Variants in RAB10 observed in about 807,000 individuals in gnomAD.
RAB10 encodes the protein RAB10, member RAS oncogene family.
RAB10 carries 5 observed loss-of-function variants against 25.7 expected under a neutral mutation model. The observed-to-expected ratio is 0.19, with a 90% CI of 0.10 to 0.41. The LOEUF (loss-of-function observed/expected upper bound fraction) is 0.41. Ranked by LOEUF, RAB10 falls within the 10% of genes least tolerant of loss-of-function variation. The probability of loss-of-function intolerance (pLI) is 1.00; values close to 1 mark genes in which losing one functional copy is unlikely to be tolerated. For missense variants in RAB10, 103 were observed against 245.8 expected (o/e 0.42, Z 3.89); for synonymous variants, 89 against 86.4 (o/e 1.03, Z -0.16).
At chr2:26,092,700 A>G (rs1343422688) in intron 1 of RAB10, among the ~76,000 whole-genome samples, 1 of 152,088 alleles carries the variant, frequency 6.6e-6, no homozygotes, top group Non-Finnish European at 1.5e-5. Context: ...TCCTTATTTC[A>G]TCTTTCTTCA....
At chr2:26,094,552 G>A (rs973840203) in intron 1 of RAB10, among the ~76,000 whole-genome samples, 10 of 148,298 alleles carry the variant, frequency 6.7e-5, no homozygotes, top group African/African-American at 2.0e-4. Context: ...GCACCTGGCC[G>A]TATTTATTTA....
At chr2:26,111,838 G>T (rs1667578668) in intron 3 of RAB10, among the ~76,000 whole-genome samples, 1 of 151,950 alleles carries the variant, frequency 6.6e-6, no homozygotes, top group African/African-American at 2.4e-5. Context: ...CAAGTTTAAG[G>T]ACTCATTCCT....
At chr2:26,114,678 C>T (rs1180232000) in intron 3 of RAB10, among the ~76,000 whole-genome samples, 1 of 150,660 alleles carries the variant, frequency 6.6e-6, no homozygotes, top group Admixed American at 6.6e-5. Context: ...GTCGCTGGAG[C>T]CCAGGAGTTT....
chr2:26,062,976 A>C (rs1574533820), intron 1 of RAB10, among the ~76,000 whole-genome samples: 3 of 151,256 alleles, frequency 2.0e-5, no homozygotes, highest in African/African-American at 7.3e-5. Flanking sequence ...TTAGCCAGGC[A>C]TGGTGGCAGG....
intron 3 of RAB10, among the ~76,000 whole-genome samples, chr2:26,112,794 AT>A (rs2149284846): frequency 6.6e-6 from 1 of 152,148 alleles, no homozygotes; most frequent in African/African-American, 2.4e-5. Flanking sequence ...TAAAAAGAAA[AT>A]CTTGGCCAGG....
At chr2:26,102,868 G>A (rs1486634986) in intron 2 of RAB10, among the ~76,000 whole-genome samples, 3 of 152,166 alleles carry the variant, frequency 2.0e-5, no homozygotes, top group East Asian at 1.9e-4. Context: ...TGAGTACTGC[G>A]TAAGCACAGA....
At chr2:26,128,148 A>C (rs530284201) in intron 5 of RAB10, among the ~76,000 whole-genome samples, 197 bp downstream of exon 5, 1 of 152,274 alleles carries the variant, frequency 6.6e-6, no homozygotes, top group Admixed American at 6.5e-5. Flanking sequence ...ACTGGGGGGT[A>C]GTTTCACCCA....
At chr2:26,036,100 A>G (rs1665758803) in intron 1 of RAB10, among the ~76,000 whole-genome samples, 1 of 152,150 alleles carries the variant, frequency 6.6e-6, no homozygotes, top group Admixed American at 6.5e-5. Flanking sequence ...CTTCCCTAGC[A>G]CTGTTTGCTT....
At chr2:26,047,135 A>C (rs1666028567) in intron 1 of RAB10, among the ~76,000 whole-genome samples, 1 of 152,206 alleles carries the variant, frequency 6.6e-6, no homozygotes, top group Admixed American at 6.5e-5. Flanking sequence ...TGTCATTCAT[A>C]GGTTCATGTA....
chr2:26,061,439 G>T (rs114774911), intron 1 of RAB10, among the ~76,000 whole-genome samples: 1,647 of 152,044 alleles, frequency 0.011, 29 homozygotes, highest in African/African-American at 0.037. Context: ...GAGAGACAGG[G>T]TCTTGCCCTG....
chr2:26,133,865 G>C (rs772425267), intron 5 of RAB10, among the ~76,000 whole-genome samples: 3 of 151,902 alleles, frequency 2.0e-5, no homozygotes, highest in Non-Finnish European at 2.9e-5. Context: ...GTAGAGACAG[G>C]GTTTTGGCAT....
rs1231286011 is a variant in RAB10 at position 26,083,825 on chromosome 2, T to C, written c.128-14837T>C. Among the ~76,000 whole-genome samples the C allele has an allele frequency of 2.0e-5, 3 of 152,244 alleles. No homozygotes were observed. In the East Asian group the frequency reaches 5.8e-4, roughly 29 times the overall value. The stretch of plus-strand genomic sequence containing the variant: ...TGAGCAGCTGCACCTGCTTAATCAA[T>C]TGGAGTTCTGTGTTTAGCAGCAAAC... On this transcript the variant is annotated intron_variant, in intron 1 of 5. Transcript: ENST00000264710.
At chr2:26,078,689 A>G (rs1666793326) in intron 1 of RAB10, among the ~76,000 whole-genome samples, 1 of 152,188 alleles carries the variant, frequency 6.6e-6, no homozygotes, top group African/African-American at 2.4e-5. Context: ...TATAGACCTG[A>G]TGAACCTAGG....
At chr2:26,063,858 C>A (rs188032661) in intron 1 of RAB10, among the ~76,000 whole-genome samples, 3 of 152,094 alleles carry the variant, frequency 2.0e-5, no homozygotes, top group Admixed American at 6.6e-5. Context: ...AGTGCAGTGG[C>A]GTGACCTCAG....
intron 1 of RAB10, among the ~76,000 whole-genome samples, chr2:26,077,698 G>A (rs907877850): frequency 6.6e-6 from 1 of 152,166 alleles, no homozygotes; most frequent in African/African-American, 2.4e-5. Context: ...GTAGATGGGA[G>A]GCTGGGCACA....
Position 26,135,029 on chromosome 2 carries a change from C to T in RAB10, c.*8C>T, listed in dbSNP as rs746364791. The T allele has an allele frequency of 2.5e-6, 4 of 1,605,656 alleles. No homozygotes were observed. Among genetic ancestry groups the T allele is most frequent in the East Asian group, 2.2e-5 (1 of 44,790 alleles). On this transcript the variant is annotated 3_prime_UTR_variant, in exon 6 of 6. Coordinates refer to ENST00000264710, the MANE Select transcript of RAB10 (RefSeq NM_016131.5). ...AAGAGCAAATGCTGCTGAGCATTCTCCTGTTCCATCAGTTGCCATCCACTA... is the reference window on the plus strand; with the variant it reads ...AAGAGCAAATGCTGCTGAGCATTCTTCTGTTCCATCAGTTGCCATCCACTA...
intron 1 of RAB10, among the ~76,000 whole-genome samples, chr2:26,091,529 A>AG (rs1255818558): frequency 6.6e-6 from 1 of 152,150 alleles, no homozygotes; most frequent in Non-Finnish European, 1.5e-5. Flanking sequence ...AGGGCAGGGT[A>AG]GAGAGGGGTA....
At chr2:26,127,586 C>T (rs1450754825) in intron 4 of RAB10, among the ~76,000 whole-genome samples, 2 of 152,132 alleles carry the variant, frequency 1.3e-5, no homozygotes, top group Non-Finnish European at 2.9e-5. Context: ...AAATTAGACC[C>T]TGAGGAGTCA....
chr2:26,096,308 C>T (rs1382048616), intron 1 of RAB10, among the ~76,000 whole-genome samples: 4 of 152,126 alleles, frequency 2.6e-5, no homozygotes, highest in Non-Finnish European at 5.9e-5. Context: ...AGTCACAGAG[C>T]AGCTTCAGAA....
Sources: gnomAD v4.1 joint callset for allele counts (sites outside exome capture counted in the v4.1 genomes callset) on GRCh38, gnomAD v4.1.1 for gene constraint, MANE v1.5 for transcripts, NCBI Gene and HGNC (gene_info 2026-07-23, HGNC 2026-07-21) for gene names.